Variants in YEATS2 observed in about 807,000 individuals in gnomAD.
YEATS2 encodes YEATS domain-containing protein 2.
YEATS2 carries 77 observed loss-of-function variants against 163.2 expected under a neutral mutation model. The ratio of observed to expected loss-of-function variants is 0.47; its 90% CI spans 0.39 to 0.57. YEATS2 has a LOEUF of 0.57. Ranked by LOEUF, YEATS2 falls within the 20% of genes least tolerant of loss-of-function variation. The pLI, the probability that YEATS2 is intolerant of heterozygous loss-of-function variation, is 0.00. For synonymous variants in YEATS2, 631 were observed against 645.1 expected (o/e 0.98, Z 0.33); for missense variants, 1,549 against 1,729.8 (o/e 0.90, Z 1.85).
At chr3:183,774,932 T>C (rs1722817999) in intron 17 of YEATS2, among the ~76,000 whole-genome samples, 1 of 152,226 alleles carries the variant, frequency 6.6e-6, no homozygotes, top group Admixed American at 6.5e-5. Context: ...CTTAGATTCT[T>C]GTGATATCCT....
At chr3:183,783,727 T>G (rs1723793157) in intron 19 of YEATS2, among the ~76,000 whole-genome samples, 1 of 152,192 alleles carries the variant, frequency 6.6e-6, no homozygotes, top group Non-Finnish European at 1.5e-5. Context: ...AAGAAATGAT[T>G]TCTTACCTTT....
Position 183,752,069 on chromosome 3 carries a change from C to G in YEATS2, c.970-4C>G, listed in dbSNP as rs1411947635. On this transcript the variant is annotated splice_region_variant and splice_polypyrimidine_tract_variant and intron_variant, in intron 9 of 30. Coordinates refer to ENST00000305135, the MANE Select transcript of YEATS2 (RefSeq NM_018023.5). The stretch of plus-strand genomic sequence containing the variant: ...ATGAGCCTGATTGTTGCCCAATTGT[C>G]TAGGTAGTGGATGTTGAACTCCATC... The G allele has an allele frequency of 6.2e-7, 1 of 1,613,810 alleles. No individual in the cohort carries two copies. The highest frequency in any genetic ancestry group is 1.3e-5 in the African/African-American group (1 of 74,886).
rs1715703337 is a variant in YEATS2, at chr3:183,715,148, G to C, written c.-15G>C. 1.3e-6 allele frequency: 2 copies of C among 1,587,254 alleles called. No individual in the cohort carries two copies. The highest frequency in any genetic ancestry group is 4.5e-5 in the East Asian group (2 of 44,750). ...TAATTTATCATTGCTTCACAGTGAA[G>C]AACTGAATGTCATCATGTCTGGAAT... is the stretch of plus-strand genomic sequence containing the variant. On this transcript the variant is annotated 5_prime_UTR_variant, in exon 2 of 31. Coordinates refer to ENST00000305135, the MANE Select transcript of YEATS2 (RefSeq NM_018023.5).
intron 27 of YEATS2, 87 bp downstream of exon 27, chr3:183,804,275 C>A: frequency 1.3e-6 from 2 of 1,508,548 alleles, no homozygotes; most frequent in Non-Finnish European, 1.8e-6. Flanking sequence ...GGAAGAGTTG[C>A]TGTAGAGAAC....
intron 1 of YEATS2, among the ~76,000 whole-genome samples, chr3:183,709,173 T>C (rs1200192630): frequency 6.6e-6 from 1 of 151,572 alleles, no homozygotes; most frequent in African/African-American, 2.4e-5. Flanking sequence ...AAAAAAAAAG[T>C]TTGGTTTTCT....
Position 183,803,986 on chromosome 3 carries a change from G to T in YEATS2, c.3583-1G>T. ...TTCCAAAAGAAAATTTTTTTTTTAA[G>T]TGGCAAAGAGCAATGACAATGCGAA... On this transcript the variant is annotated splice_acceptor_variant, in intron 26 of 30. Coordinates refer to ENST00000305135, the MANE Select transcript of YEATS2 (RefSeq NM_018023.5). LOFTEE classifies it high-confidence loss of function. 4 of 1,608,704 alleles carry T rather than the reference G, an allele frequency of 2.5e-6. No individual in the cohort carries two copies. The highest frequency in any genetic ancestry group is 3.4e-5 in the Admixed American group (2 of 58,306).
Position 183,810,500 on chromosome 3 carries a change from A to C in YEATS2, c.4186A>C (p.Asn1396His). Residue 1396 changes from asparagine (N) to histidine (H), a missense_variant, in exon 31 of 31, where the codon AAT becomes CAT. Transcript: ENST00000305135. ...NRIPKEITVS[N>H]IHQAICNIPF... ...GATTCCCAAAGAAATTACAGTGAGT[A>C]ATATTCACCAGGCCATTTGCAACAT... 1 of 1,614,166 alleles carries C rather than the reference A, an allele frequency of 6.2e-7. No individual in the cohort carries two copies. The highest frequency in any genetic ancestry group is 1.3e-5 in the African/African-American group (1 of 75,064).
chr3:183,799,480 C>A (rs2108511080), intron 23 of YEATS2, among the ~76,000 whole-genome samples: 1 of 152,250 alleles, frequency 6.6e-6, no homozygotes, highest in South Asian at 2.1e-4. Flanking sequence ...GACTCAGCTT[C>A]CCCTTTGGGG....
intron 1 of YEATS2, among the ~76,000 whole-genome samples, chr3:183,698,860 A>G (rs1395184886): frequency 6.6e-6 from 1 of 152,184 alleles, no homozygotes; most frequent in Non-Finnish European, 1.5e-5. Flanking sequence ...TAAAAATACA[A>G]GCAAAGCCAG....
intron 1 of YEATS2, among the ~76,000 whole-genome samples, chr3:183,699,944 A>T (rs959062019): frequency 6.6e-6 from 1 of 152,158 alleles, no homozygotes; most frequent in Non-Finnish European, 1.5e-5. Flanking sequence ...AAATGAAACT[A>T]ATGAGTGCAA....
chr3:183,717,842 G>T (rs1208657310), intron 3 of YEATS2, 94 bp downstream of exon 3: 6 of 602,216 alleles, frequency 1.0e-5, no homozygotes, highest in South Asian at 5.6e-5. Context: ...GTCACAGTTT[G>T]CTTTATCCTC....
At chr3:183,783,006 T>C (rs1158209776) in intron 19 of YEATS2, among the ~76,000 whole-genome samples, 3 of 152,250 alleles carry the variant, frequency 2.0e-5, no homozygotes, top group Non-Finnish European at 4.4e-5. Context: ...TGTCATTCTT[T>C]TTAATTTTAG....
intron 27 of YEATS2, chr3:183,806,343 A>G (rs754052586): frequency 2.0e-5 from 9 of 456,432 alleles, no homozygotes; most frequent in Non-Finnish European, 3.5e-5. Flanking sequence ...ACACTCATCC[A>G]GAAAGTGGAA....
rs1417848838 is a variant in YEATS2 at position 183,761,606 on chromosome 3, T to G, written c.1756T>G (p.Phe586Val). 6.2e-7 allele frequency: 1 copy of G among 1,613,972 alleles called. No homozygotes were observed. Among genetic ancestry groups the G allele is most frequent in the Non-Finnish European group, 8.5e-7 (1 of 1,179,864 alleles). The change falls in exon 14 of 31, where the codon TTC (phenylalanine) becomes GTC (valine). Residue 586 changes from phenylalanine to valine, a missense_variant. Coordinates refer to ENST00000305135, the MANE Select transcript of YEATS2 (RefSeq NM_018023.5). ...ACCTATAACAGGAGGACTTGGAGCT[T>G]TCACAAAAGTGAGTATGTATTAGGG... Reference protein sequence around the residue: ...PKPITGGLGAFTKVIIKQEPG... With the variant: ...PKPITGGLGAVTKVIIKQEPG...
At chr3:183,731,169 C>T (rs1405356012) in intron 7 of YEATS2, among the ~76,000 whole-genome samples, 1 of 151,754 alleles carries the variant, frequency 6.6e-6, no homozygotes, top group Non-Finnish European at 1.5e-5. Context: ...TGTGGTGGCT[C>T]GTGCCTGTAA....
At chr3:183,810,247 C>A (rs1560346099) in intron 30 of YEATS2, 3 of 464,554 alleles carry the variant, frequency 6.5e-6, no homozygotes, top group Non-Finnish European at 1.2e-5. Flanking sequence ...TTTCTCAGTT[C>A]TCAGAATCTT....
intron 27 of YEATS2, 21 bp from the exon 28 acceptor site, chr3:183,806,845 C>T (rs1338853449): frequency 6.2e-7 from 1 of 1,613,432 alleles, no homozygotes; most frequent in Non-Finnish European, 8.5e-7. Context: ...GCTGTTGTAA[C>T]ACTGCTTGCC....
At chr3:183,782,827 CATAA>C (rs1246645066) in intron 19 of YEATS2, among the ~76,000 whole-genome samples, 1 of 151,890 alleles carries the variant, frequency 6.6e-6, no homozygotes, top group Non-Finnish European at 1.5e-5. Context: ...ATAAAACTGC[CATAA>C]ATATTCTTAC....
chr3:183,793,537 G>A, intron 21 of YEATS2: 1 of 711,190 alleles, frequency 1.4e-6, no homozygotes, highest in Non-Finnish European at 1.7e-6. Context: ...AATAGATGAA[G>A]TCTCCCTGCT....
Sources: allele counts gnomAD v4.1 joint callset (sites outside exome capture counted in the v4.1 genomes callset), GRCh38; gene constraint gnomAD v4.1.1; transcripts MANE v1.5; gene names NCBI Gene and HGNC (gene_info 2026-07-23, HGNC 2026-07-21).